Variants in LHPP observed in about 807,000 individuals in gnomAD.
The protein encoded by LHPP is hLHPP.
In LHPP, 24 loss-of-function variants were observed where a neutral mutation model predicts 30.3. That is an observed-to-expected ratio of 0.79 (90% CI 0.57 to 1.11). LHPP has a LOEUF of 1.11. Among genes scored for constraint, LHPP ranks in the 50% most tolerant of loss-of-function variants. The pLI, the probability that LHPP is intolerant of heterozygous loss-of-function variation, is 0.00. For synonymous variants in LHPP, 150 were observed against 157.1 expected (o/e 0.95, Z 0.34); for missense variants, 356 against 367.2 (o/e 0.97, Z 0.25).
intron 6 of LHPP, among the ~76,000 whole-genome samples, chr10:124,557,902 A>G (rs1948329897): frequency 6.6e-6 from 1 of 151,984 alleles, no homozygotes; most frequent in Non-Finnish European, 1.5e-5. Context: ...TAGTGAGCTT[A>G]GGGCATGGCA....
intron 3 of LHPP, chr10:124,490,280 A>G: frequency 5.0e-6 from 1 of 200,952 alleles, no homozygotes; most frequent in South Asian, 7.7e-5. Flanking sequence ...GCAGCCTGCC[A>G]GTCTCCAGAC....
At position 124,576,372 on chromosome 10, in the gene LHPP, C is replaced by A. The variant is rs1948660579; in HGVS notation, c.717-36892C>A. Reference sequence around the variant, plus strand: ...GGGCCAGACCCCACTTCAGGGGTTGCCCCCAGGACCCCCCTTGCGGTACCC... The same window carrying A: ...GGGCCAGACCCCACTTCAGGGGTTGACCCCAGGACCCCCCTTGCGGTACCC... On this transcript the variant is annotated intron_variant, in intron 6 of 6. Coordinates refer to ENST00000368842, the MANE Select transcript of LHPP (RefSeq NM_022126.4). This position sits in a 1 kb window ranked among gnomAD's most constrained non-coding sequence, Gnocchi z 4.2. Among the ~76,000 whole-genome samples the A allele has an allele frequency of 6.6e-6, 1 of 151,830 alleles. No homozygotes were observed. The highest frequency in any genetic ancestry group is 2.4e-5 in the African/African-American group (1 of 41,274).
At chr10:124,522,723 G>GCCCCCCCC (rs61278158) in intron 6 of LHPP, among the ~76,000 whole-genome samples, 1 of 143,336 alleles carries the variant, frequency 7.0e-6, no homozygotes, top group African/African-American at 2.6e-5. Context: ...TGCTGCCCAC[G>GCCCCCCCC]CCCCCCCCCA....
intron 6 of LHPP, among the ~76,000 whole-genome samples, chr10:124,601,969 T>C (rs2362503): frequency 0.6 from 91,042 of 152,110 alleles, 27,438 homozygotes; most frequent in East Asian, 0.69. Flanking sequence ...CAGGTCCCGT[T>C]GACCTCCATG....
rs558693550 is a variant in LHPP at position 124,511,707 on chromosome 10, G to A, written c.625-5473G>A. 5.9e-5 allele frequency among the ~76,000 whole-genome samples: 9 copies of A among 152,336 alleles called. No homozygotes were observed. In the South Asian group the frequency reaches 1.9e-3, roughly 32 times the overall value. On this transcript the variant is annotated intron_variant, in intron 5 of 6. Transcript: ENST00000368842. ...GAAACTACCTCCCTGGCCTCAGGGG[G>A]CCTCATTGGCTCTGTCTTTGTACTT...
At chr10:124,529,802 C>T (rs987984608) in intron 6 of LHPP, among the ~76,000 whole-genome samples, 1 of 134,332 alleles carries the variant, frequency 7.4e-6, no homozygotes, top group Non-Finnish European at 1.7e-5. Context: ...CACATACACA[C>T]ACACACACAC....
At position 124,523,122 on chromosome 10, in the gene LHPP, G is replaced by T. The variant is rs935423252; in HGVS notation, c.716+5851G>T. Reference sequence around the variant, plus strand: ...CTGGTGCTGCTGTGTAAATAAAGCCGCGATGCGGAGCTCGCCTCTGGTCTT... The same window carrying T: ...CTGGTGCTGCTGTGTAAATAAAGCCTCGATGCGGAGCTCGCCTCTGGTCTT... On this transcript the variant is annotated intron_variant, in intron 6 of 6. Coordinates refer to ENST00000368842, the MANE Select transcript of LHPP (RefSeq NM_022126.4). This position sits in a 1 kb window ranked among gnomAD's most constrained non-coding sequence, Gnocchi z 4.2. 6.6e-6 allele frequency among the ~76,000 whole-genome samples: 1 copy of T among 152,226 alleles called. No individual in the cohort carries two copies. The highest frequency in any genetic ancestry group is 1.5e-5 in the Non-Finnish European group (1 of 68,046).
chr10:124,507,898 G>A (rs796854770), intron 5 of LHPP, among the ~76,000 whole-genome samples: 31 of 109,134 alleles, frequency 2.8e-4, no homozygotes, highest in African/African-American at 7.5e-4. Flanking sequence ...TCAGGTCGGG[G>A]GGGTAGACAG....
rs958753830 is a variant in LHPP at position 124,523,033 on chromosome 10, C to T, written c.716+5762C>T. 2.6e-5 allele frequency among the ~76,000 whole-genome samples: 4 copies of T among 152,192 alleles called. No homozygotes were observed. Among genetic ancestry groups the T allele is most frequent in the East Asian group, 1.9e-4 (1 of 5,186 alleles). Reference sequence around the variant, plus strand: ...CCCCATCACTCTGTTCGCTGTTCCACGCCACACCCTGCAGCCACCACCCAG... The same window carrying T: ...CCCCATCACTCTGTTCGCTGTTCCATGCCACACCCTGCAGCCACCACCCAG... On this transcript the variant is annotated intron_variant, in intron 6 of 6. Coordinates refer to ENST00000368842, the MANE Select transcript of LHPP (RefSeq NM_022126.4). The surrounding 1 kb of genome is among the most constrained non-coding windows in gnomAD (Gnocchi z 4.2).
At chr10:124,540,275 A>G (rs4962646) in intron 6 of LHPP, among the ~76,000 whole-genome samples, 71,360 of 152,102 alleles carry the variant, frequency 0.47, 16,888 homozygotes, top group African/African-American at 0.51. Flanking sequence ...GCCCAGGCAC[A>G]TAGCCCTGCC....
At chr10:124,555,184 G>A (rs552967912) in intron 6 of LHPP, among the ~76,000 whole-genome samples, 11 of 152,298 alleles carry the variant, frequency 7.2e-5, no homozygotes, top group African/African-American at 2.6e-4. Context: ...GTGGGCCAGT[G>A]GGGATGGGTG....
chr10:124,589,643 C>T (rs958263242), intron 6 of LHPP, among the ~76,000 whole-genome samples: 1 of 152,224 alleles, frequency 6.6e-6, no homozygotes, highest in Admixed American at 6.5e-5. Context: ...CTTTCATCAC[C>T]CATCTGAGAT....
chr10:124,484,508 C>T (rs1452145466), intron 2 of LHPP, among the ~76,000 whole-genome samples, 182 bp downstream of exon 2: 2 of 151,844 alleles, frequency 1.3e-5, no homozygotes, highest in Admixed American at 6.6e-5. Flanking sequence ...AGGTTAGGAC[C>T]CAGCTCTGTC....
At chr10:124,607,901 G>C (rs79700280) in intron 6 of LHPP, among the ~76,000 whole-genome samples, 3 of 152,280 alleles carry the variant, frequency 2.0e-5, no homozygotes, top group Non-Finnish European at 4.4e-5. Context: ...CACACGTGGC[G>C]GCTGCGAGCA....
At chr10:124,504,140 C>T (rs11245245) in intron 5 of LHPP, among the ~76,000 whole-genome samples, 4 of 151,916 alleles carry the variant, frequency 2.6e-5, no homozygotes, top group African/African-American at 7.2e-5. Flanking sequence ...TACAGTGAGC[C>T]GAGATCCTGC....
chr10:124,606,929 T>C (rs1949102939), intron 6 of LHPP, among the ~76,000 whole-genome samples: 2 of 152,228 alleles, frequency 1.3e-5, no homozygotes, highest in Non-Finnish European at 2.9e-5. Flanking sequence ...TCCATGTGTC[T>C]GTCTCTACTC....
At chr10:124,539,832 G>T (rs1955137923) in intron 6 of LHPP, among the ~76,000 whole-genome samples, 1 of 151,988 alleles carries the variant, frequency 6.6e-6, no homozygotes, top group Non-Finnish European at 1.5e-5. Context: ...AGCCCAGAAG[G>T]TTGAGGCTGC....
rs553430724 is a variant in LHPP at position 124,491,666 on chromosome 10, G to A, written c.467+3091G>A. On this transcript the variant is annotated intron_variant, in intron 3 of 6. Transcript: ENST00000368842. ...TGGGCTGGGGACAGTGGCTCACGCC[G>A]GTAATCCCAGCACTTTGGGAGGACA... Among the ~76,000 whole-genome samples, 27 of 152,268 alleles carry A rather than the reference G, an allele frequency of 1.8e-4. No homozygotes were observed. In the East Asian group the frequency reaches 4.1e-3, roughly 23 times the overall value.
At chr10:124,542,912 G>A (rs6597835) in intron 6 of LHPP, among the ~76,000 whole-genome samples, 103,575 of 152,102 alleles carry the variant, frequency 0.68, 36,804 homozygotes, top group East Asian at 0.9. Flanking sequence ...GCCCCGTCAC[G>A]GTCGTTCTCC....
Sources: allele counts gnomAD v4.1 joint callset (sites outside exome capture counted in the v4.1 genomes callset), GRCh38; gene constraint gnomAD v4.1.1; non-coding constraint Gnocchi (gnomAD v3.1); transcripts MANE v1.5; gene names NCBI Gene and HGNC (gene_info 2026-07-23, HGNC 2026-07-21).